RPL14: variants seen among roughly 807,000 people sequenced by gnomAD.
RPL14 encodes the protein large ribosomal subunit protein eL14.
In RPL14, 4 loss-of-function variants were observed where a neutral mutation model predicts 25.3. The observed-to-expected ratio is 0.16, with a 90% CI of 0.08 to 0.36. The LOEUF is 0.36. Among genes scored for constraint, RPL14 ranks in the 10% least tolerant of loss-of-function variants. RPL14 has a pLI of 1.00. For missense variants in RPL14, 212 were observed against 261.9 expected, an observed-to-expected ratio of 0.81 and a Z score of 1.31; for synonymous variants, 75 against 89.8, an observed-to-expected ratio of 0.84 and a Z score of 0.93.
rs1696988341 is a variant in RPL14, at chr3:40,463,868, G to A, written c.*1636G>A. 2 of 153,660 alleles carry A rather than the reference G, an allele frequency of 1.3e-5. No individual in the cohort carries two copies. Among genetic ancestry groups the A allele is most frequent in the South Asian group, 2.0e-4 (1 of 4,952 alleles). 9.5% of individuals were successfully genotyped at this position (153,660 alleles called of 1,614,324 possible). On this transcript the variant is annotated 3_prime_UTR_variant, in exon 6 of 6. Coordinates refer to ENST00000396203, the MANE Select transcript of RPL14 (RefSeq NM_001034996.3). ...GAGATACTTATCCTGTGTATAGTAG[G>A]TTGGACTTCTGTTTCTCTCTACCAC...
intron 2 of RPL14, 40 bp downstream of exon 2, chr3:40,458,031 T>C: frequency 6.5e-7 from 1 of 1,529,388 alleles, no homozygotes. Context: ...GCAGTGGACA[T>C]GTGCCCTGCA....
At chr3:40,457,612 G>A (rs1403711465) in intron 1 of RPL14, 138 bp downstream of exon 1, 5 of 726,514 alleles carry the variant, frequency 6.9e-6, no homozygotes, top group Non-Finnish European at 1.1e-5. Flanking sequence ...CGCCTCCGCC[G>A]CTGGAGCTGG....
In RPL14 at chr3:40,459,502, C is replaced by T. The variant is rs529128881; in HGVS notation, c.200+766C>T. Among the ~76,000 whole-genome samples the T allele has an allele frequency of 1.4e-4, 22 of 152,162 alleles. No individual in the cohort carries two copies. In the South Asian group the frequency reaches 4.4e-3, roughly 30 times the overall value. On this transcript the variant is annotated intron_variant, in intron 3 of 5. Coordinates refer to ENST00000396203, the MANE Select transcript of RPL14 (RefSeq NM_001034996.3). ...TGTGTTGCTATACAGTTAATTCAAC[C>T]CACAATGATGGTTGCAGTGGAACAT...
intron 3 of RPL14, among the ~76,000 whole-genome samples, chr3:40,459,478 G>A (rs962068505): frequency 4.6e-5 from 7 of 152,208 alleles, no homozygotes; most frequent in African/African-American, 1.4e-4. Flanking sequence ...ACACTTTAGT[G>A]TGTTGCTATA....
chr3:40,460,102 C>T (rs1176245490), intron 3 of RPL14, among the ~76,000 whole-genome samples: 1 of 152,050 alleles, frequency 6.6e-6, no homozygotes, highest in African/African-American at 2.4e-5. Context: ...ACTAGGTACT[C>T]TTGTAATTCT....
chr3:40,467,796 C>G lies in RPL14; in HGVS notation c.*5564C>G, dbSNP rs556531642. ...TTTCGGATGATGCCAATTTCTTTTT[C>G]TGGTTTTTGTTTTTTGTGTGTGTGT... On this transcript the variant is annotated 3_prime_UTR_variant, in exon 6 of 6. Transcript: ENST00000396203. 2 of 151,822 alleles carry G rather than the reference C, an allele frequency of 1.3e-5. No homozygotes were observed. Among genetic ancestry groups the G allele is most frequent in the East Asian group, 3.9e-4 (2 of 5,168 alleles). 9.4% of individuals were successfully genotyped at this position (151,822 alleles called of 1,614,324 possible). A position where few individuals can be genotyped will look rare whatever the true frequency, so the allele number is the denominator to read the frequency against.
rs558573334 is a variant in RPL14 at position 40,467,246 on chromosome 3, A to G, written c.*5014A>G. 5 of 152,268 alleles carry G rather than the reference A, an allele frequency of 3.3e-5. No homozygotes were observed. The highest frequency in any genetic ancestry group is 2.1e-4 in the South Asian group (1 of 4,822). The allele number at this position is 152,268 out of a possible 1,614,324, so 9.4% of individuals were successfully genotyped here. ...TAAATTAGAGTTCTTCAGAAAACCA[A>G]TGGGATGGATGAATGGACTCAAGAG... On this transcript the variant is annotated 3_prime_UTR_variant, in exon 6 of 6. Transcript: ENST00000396203.
intron 1 of RPL14, 42 bp from the exon 2 acceptor site, chr3:40,457,848 A>G: frequency 6.5e-7 from 1 of 1,536,828 alleles, no homozygotes; most frequent in East Asian, 2.2e-5. Flanking sequence ...TGTAGCGAGT[A>G]TTTCTAAGTA....
chr3:40,460,848 C>G (rs1176455975), intron 3 of RPL14, among the ~76,000 whole-genome samples: 2 of 151,570 alleles, frequency 1.3e-5, no homozygotes, highest in Admixed American at 6.6e-5. Context: ...TCCCAAAGTG[C>G]TGGGATTACA....
chr3:40,462,372 CCTT>C lies in RPL14; in HGVS notation c.*141_*143del. On this transcript the variant is annotated 3_prime_UTR_variant, in exon 6 of 6. Coordinates refer to ENST00000396203, the MANE Select transcript of RPL14 (RefSeq NM_001034996.3). The stretch of plus-strand genomic sequence containing the variant: ...TATAATAAACATTAAATAATCAGTT[CCTT>C]TTTTTTTTTTTTTTTTTTTGAGATG... 9.6e-6 allele frequency: 5 copies of C among 519,744 alleles called. No homozygotes were observed. The highest frequency in any genetic ancestry group is 7.5e-5 in the South Asian group (2 of 26,590). The allele number at this position is 519,744 out of a possible 1,614,324, so 32.2% of individuals were successfully genotyped here.
intron 2 of RPL14, chr3:40,458,337 C>G (rs1696876455): frequency 2.0e-6 from 1 of 511,588 alleles, no homozygotes; most frequent in African/African-American, 1.9e-5. Context: ...AAGGAGTTGA[C>G]CACTGACTAT....
In RPL14 at chr3:40,462,863, G is replaced by A. The variant is rs1046539624; in HGVS notation, c.*631G>A. The A allele has an allele frequency of 1.3e-5, 2 of 152,110 alleles. No homozygotes were observed. Among genetic ancestry groups the A allele is most frequent in the African/African-American group, 4.8e-5 (2 of 41,414 alleles). The allele number at this position is 152,110 out of a possible 1,614,324, so 9.4% of individuals were successfully genotyped here. Reference sequence around the variant, plus strand: ...CTTTTTTCCTTGTACAAATATGTTTGCCATAAATAGGTAAAGTGACAGCCT... The same window carrying A: ...CTTTTTTCCTTGTACAAATATGTTTACCATAAATAGGTAAAGTGACAGCCT... On this transcript the variant is annotated 3_prime_UTR_variant, in exon 6 of 6. Transcript: ENST00000396203.
chr3:40,460,434 C>G (rs1246194750), intron 3 of RPL14, among the ~76,000 whole-genome samples: 1 of 151,776 alleles, frequency 6.6e-6, no homozygotes, highest in Non-Finnish European at 1.5e-5. Flanking sequence ...AGAAGAATTG[C>G]TAGAACCTAG....
At position 40,461,443 on chromosome 3, in the gene RPL14, G is replaced by A; in HGVS notation, c.237G>A (p.Lys79=). Residue 79 remains lysine (K), a synonymous_variant, in exon 4 of 6, where the codon AAG becomes AAA. Transcript: ENST00000396203. The part of the protein sequence containing the change: ...HQKYVRQAWQ[K]ADINTKWAAT... ...AGTATGTCCGACAAGCCTGGCAGAAGGCAGACATCAATACAAAATGGGCAG... is the reference window on the plus strand; with the variant it reads ...AGTATGTCCGACAAGCCTGGCAGAAAGCAGACATCAATACAAAATGGGCAG... 6 of 1,614,134 alleles carry A rather than the reference G, an allele frequency of 3.7e-6. No individual in the cohort carries two copies. Among genetic ancestry groups the A allele is most frequent in the Non-Finnish European group, 5.1e-6 (6 of 1,180,030 alleles).
In RPL14 at chr3:40,458,856, T is replaced by C. The variant is rs149915197; in HGVS notation, c.200+120T>C. 7.9e-5 allele frequency: 59 copies of C among 747,166 alleles called. No individual in the cohort carries two copies. In the African/African-American group the frequency reaches 8.3e-4, roughly 10 times the overall value. The allele number at this position is 747,166 out of a possible 1,614,324, so 46.3% of individuals were successfully genotyped here. ...CCATCCTGAAGAGGGATTTGCATCA[T>C]AGAAGTAGACAGGGATTATTTACTT... On this transcript the variant is annotated intron_variant, in intron 3 of 5. Coordinates refer to ENST00000396203, the MANE Select transcript of RPL14 (RefSeq NM_001034996.3).
At position 40,457,936 on chromosome 3, in the gene RPL14, T is replaced by G. The variant is rs1337582378; in HGVS notation, c.50T>G (p.Phe17Cys). 10 of 1,614,100 alleles carry G rather than the reference T, an allele frequency of 6.2e-6. No individual in the cohort carries two copies. The highest frequency in any genetic ancestry group is 8.5e-6 in the Non-Finnish European group (10 of 1,180,046). Reference protein sequence around the residue: ...VEVGRVAYVSFGPHAGKLVAI... With the variant: ...VEVGRVAYVSCGPHAGKLVAI... ...GTTGGCCGGGTGGCCTATGTCTCCT[T>G]TGGACCTCATGCCGGAAAATTGGTC... Residue 17 changes from phenylalanine to cysteine, a missense_variant, in exon 2 of 6, where the codon TTT (phenylalanine) becomes TGT (cysteine). Coordinates refer to ENST00000396203, the MANE Select transcript of RPL14 (RefSeq NM_001034996.3).
chr3:40,460,066 A>C (rs1416568081), intron 3 of RPL14, among the ~76,000 whole-genome samples: 1 of 152,152 alleles, frequency 6.6e-6, no homozygotes, highest in Non-Finnish European at 1.5e-5. Context: ...AAAGCAGTAG[A>C]AAATACTTGG....
At chr3:40,458,504 C>A (rs1696879360) in intron 2 of RPL14, 138 bp from the exon 3 acceptor site, 2 of 656,208 alleles carry the variant, frequency 3.0e-6, no homozygotes, top group East Asian at 2.7e-5. Flanking sequence ...TAGGACAATC[C>A]TTGTCTTTTC....
Position 40,459,858 on chromosome 3 carries a change from CAAA to C in RPL14, c.200+1142_200+1144del, listed in dbSNP as rs10682822. Among the ~76,000 whole-genome samples, 660 of 90,946 alleles carry C rather than the reference CAAA, an allele frequency of 7.3e-3. 6 individuals carry two copies. Among genetic ancestry groups the C allele is most frequent in the African/African-American group, 0.029 (608 of 21,250 alleles). 59.7% of individuals were successfully genotyped at this position (90,946 alleles called of 152,430 possible). On this transcript the variant is annotated intron_variant, in intron 3 of 5. Coordinates refer to ENST00000396203, the MANE Select transcript of RPL14 (RefSeq NM_001034996.3). Reference sequence around the variant, plus strand: ...TGGGTGACAGAGCGAGACTCCGTTTCAAAAAAAAAAAAAAAAAAAAAACTTACT... The same window carrying C: ...TGGGTGACAGAGCGAGACTCCGTTTCAAAAAAAAAAAAAAAAAAACTTACT...
Sources: allele counts gnomAD v4.1 joint callset (sites outside exome capture counted in the v4.1 genomes callset), GRCh38; gene constraint gnomAD v4.1.1; transcripts MANE v1.5; gene names NCBI Gene and HGNC (gene_info 2026-07-23, HGNC 2026-07-21).